ATP10B: variants seen among roughly 807,000 people sequenced by gnomAD.
ATP10B encodes ATPase phospholipid transporting 10B (putative), also known as phospholipid-transporting ATPase VB.
ATP10B carries 122 observed loss-of-function variants against 141.2 expected under a neutral mutation model. The ratio of observed to expected loss-of-function variants is 0.86; its 90% confidence interval spans 0.75 to 1.00. The LOEUF is 1.00. Among genes scored for constraint, ATP10B ranks in the 50% least tolerant of loss-of-function variants. The pLI is 0.00. For missense variants in ATP10B, 1,876 were observed against 1,825.3 expected (o/e 1.03, Z -0.51); for synonymous variants, 685 against 692.0 (o/e 0.99, Z 0.16).
At chr5:160,874,531 G>A in the ATP10B span, among the ~76,000 whole-genome samples, 3 of 152,116 alleles carry the variant, frequency 2.0e-5, no homozygotes, top group African/African-American at 7.2e-5. Context: ...AAAGCTGGAT[G>A]GAGAATGACT....
intron 7 of ATP10B, among the ~76,000 whole-genome samples, chr5:160,653,163 T>A (rs1242222631): frequency 7.8e-6 from 1 of 127,570 alleles, no homozygotes; most frequent in Non-Finnish European, 1.5e-5. Context: ...ATACATAATA[T>A]ATATTATATA....
chr5:160,709,276 T>C (rs973728229), intron 3 of ATP10B, among the ~76,000 whole-genome samples: 1 of 152,148 alleles, frequency 6.6e-6, no homozygotes, highest in Non-Finnish European at 1.5e-5. Context: ...AAACTTTCTG[T>C]GCCCTAAACA....
chr5:160,833,656 C>A (rs1270634066), intron 1 of ATP10B, among the ~76,000 whole-genome samples: 1 of 151,968 alleles, frequency 6.6e-6, no homozygotes, highest in South Asian at 2.1e-4. Flanking sequence ...TATAAAATAA[C>A]TATGATTACA....
chr5:160,637,224 C>T (rs868002146), intron 10 of ATP10B, among the ~76,000 whole-genome samples: 2 of 151,350 alleles, frequency 1.3e-5, no homozygotes, highest in Admixed American at 6.6e-5. Context: ...ATCTACCCAC[C>T]CACCCATTCA....
chr5:160,602,289 A>C (rs1381619645), intron 21 of ATP10B, among the ~76,000 whole-genome samples: 1 of 152,030 alleles, frequency 6.6e-6, no homozygotes, highest in Non-Finnish European at 1.5e-5. Context: ...ATTTAAACCC[A>C]ACGTGTCTGA....
At chr5:160,628,779 G>GA (rs920374084) in intron 13 of ATP10B, among the ~76,000 whole-genome samples, 6 of 151,728 alleles carry the variant, frequency 4.0e-5, no homozygotes, top group South Asian at 2.1e-4. Flanking sequence ...CAGACAAGGA[G>GA]AAAAAAAACC....
chr5:160,897,687 C>T, the ATP10B span, among the ~76,000 whole-genome samples: 2 of 152,138 alleles, frequency 1.3e-5, no homozygotes, highest in Admixed American at 6.6e-5. Context: ...TAGAAAAAAA[C>T]TACTTTAAAT....
chr5:160,803,294 G>A (rs183035343), intron 1 of ATP10B, among the ~76,000 whole-genome samples: 3 of 152,230 alleles, frequency 2.0e-5, no homozygotes, highest in South Asian at 4.1e-4. Context: ...AGATTATCAC[G>A]TACCAGGAAC....
chr5:160,909,545 T>A, the ATP10B span, among the ~76,000 whole-genome samples: 2 of 152,154 alleles, frequency 1.3e-5, no homozygotes, highest in African/African-American at 4.8e-5. Context: ...AGGAGCAGGA[T>A]CCTGTTAGAT....
chr5:160,719,789 G>A (rs1014453635), intron 2 of ATP10B, among the ~76,000 whole-genome samples: 1 of 152,124 alleles, frequency 6.6e-6, no homozygotes, highest in African/African-American at 2.4e-5. Flanking sequence ...ACTTTGCAAG[G>A]GAAGTGTGAT....
chr5:160,923,978 T>C, the ATP10B span, among the ~76,000 whole-genome samples: 1 of 152,228 alleles, frequency 6.6e-6, no homozygotes, highest in Non-Finnish European at 1.5e-5. Context: ...TGTTTACCTA[T>C]TGGGACATTC....
chr5:160,635,500 C>T (rs576543136), intron 11 of ATP10B, among the ~76,000 whole-genome samples: 1 of 152,200 alleles, frequency 6.6e-6, no homozygotes, highest in South Asian at 2.1e-4. Context: ...ATTTAATTCG[C>T]ATTTAAAATA....
intron 1 of ATP10B, among the ~76,000 whole-genome samples, chr5:160,818,204 A>C (rs887143127): frequency 1.1e-4 from 16 of 152,260 alleles, no homozygotes; most frequent in African/African-American, 1.7e-4. Context: ...CCATCAGTGT[A>C]AACAGGCAAC....
At chr5:160,898,379 C>T in the ATP10B span, among the ~76,000 whole-genome samples, 1 of 152,112 alleles carries the variant, frequency 6.6e-6, no homozygotes, top group South Asian at 2.1e-4. Flanking sequence ...ATGCAGTCAA[C>T]AAACATATGA....
intron 13 of ATP10B, 41 bp downstream of exon 13, chr5:160,632,088 C>A (rs1758973100): frequency 6.4e-7 from 1 of 1,556,760 alleles, no homozygotes; most frequent in South Asian, 1.2e-5. Context: ...CCTCTCTTCC[C>A]ACAGAACACT....
intron 2 of ATP10B, among the ~76,000 whole-genome samples, chr5:160,769,532 T>C (rs1355847704): frequency 6.6e-6 from 1 of 152,206 alleles, no homozygotes; most frequent in Non-Finnish European, 1.5e-5. Context: ...CCATACCAGA[T>C]GTCAGGGCCT....
the ATP10B span, among the ~76,000 whole-genome samples, chr5:160,878,830 A>G: frequency 2.7e-5 from 4 of 150,766 alleles, no homozygotes; most frequent in East Asian, 7.8e-4. Flanking sequence ...TCAAAACCAC[A>G]ATGAGATACC....
chr5:160,640,373 T>G (rs1759746907), intron 10 of ATP10B, 88 bp downstream of exon 10: 2 of 1,468,328 alleles, frequency 1.4e-6, no homozygotes, highest in East Asian at 4.6e-5. Flanking sequence ...TACATTTTAT[T>G]AGCCCTACTT....
rs372642494 is a variant in ATP10B, at chr5:160,830,662, A to AT, written c.-576+21278dup. ...CAAATTTTTATGTATGAAACTCTGG[A>AT]TTTTTTTTTTAAGTTGAGATTTTGA... On this transcript the variant is annotated intron_variant, in intron 1 of 25. Coordinates refer to ENST00000327245, the MANE Select transcript of ATP10B (RefSeq NM_025153.3). 7.0e-3 allele frequency among the ~76,000 whole-genome samples: 1,045 copies of AT among 149,980 alleles called. 13 individuals are homozygous for AT. The highest frequency in any genetic ancestry group is 0.024 in the African/African-American group (963 of 40,938).
Sources: allele counts gnomAD v4.1 joint callset (sites outside exome capture counted in the v4.1 genomes callset), GRCh38; gene constraint gnomAD v4.1.1; transcripts MANE v1.5; gene names NCBI Gene and HGNC (gene_info 2026-07-23, HGNC 2026-07-21).